The following FANCA variants were observed in gnomAD, a reference collection of about 807,000 sequenced individuals.
The protein encoded by FANCA is FA complementation group A.
Under a neutral mutation model 194.3 loss-of-function variants are expected in FANCA, and 236 were observed. The observed-to-expected ratio is 1.21, with a 90% CI of 1.09 to 1.35. The LOEUF (loss-of-function observed/expected upper bound fraction) is 1.35, where lower values mean the gene tolerates loss of function less well. Among genes scored for constraint, FANCA ranks in the 40% most tolerant of loss-of-function variants. FANCA has a pLI of 0.00. For missense variants in FANCA, 2,628 were observed against 1,813.9 expected (o/e 1.45, Z -8.15); for synonymous variants, 1,014 against 715.8 (o/e 1.42, Z -6.65).
intron 17 of FANCA, among the ~76,000 whole-genome samples, chr16:89,781,097 G>T (rs2039683801): frequency 6.6e-6 from 1 of 152,262 alleles, no homozygotes; most frequent in South Asian, 2.1e-4. Context: ...AGGCGCAGTG[G>T]CTCACGCCTG....
intron 30 of FANCA, among the ~76,000 whole-genome samples, chr16:89,756,358 G>C (rs553637502): frequency 6.6e-6 from 1 of 152,230 alleles, no homozygotes; most frequent in Non-Finnish European, 1.5e-5. Context: ...AGGCCTGGCA[G>C]AGGTTCACGC....
rs775272801 is a variant in FANCA at position 89,770,028 on chromosome 16, C to G, written c.2317-4G>C. 2.5e-6 allele frequency: 4 copies of G among 1,612,936 alleles called. No homozygotes were observed. The highest frequency in any genetic ancestry group is 2.5e-6 in the Non-Finnish European group (3 of 1,179,738). On this transcript the variant is annotated splice_polypyrimidine_tract_variant and splice_region_variant and intron_variant, in intron 25 of 42. Transcript: ENST00000389301. The stretch of plus-strand genomic sequence containing the variant: ...GTGGGGCACTCAGGCTCGGGCCCTG[C>G]AACGAGAATGAGGGTGGCAGAGCAG...
chr16:89,777,584 A>T (rs2039552593), intron 20 of FANCA, among the ~76,000 whole-genome samples: 1 of 151,878 alleles, frequency 6.6e-6, no homozygotes, highest in African/African-American at 2.4e-5. Context: ...AAAGAAAAAA[A>T]AAAGGCTCTT....
Position 89,737,834 on chromosome 16 carries a change from T to C in FANCA, c.*767A>G. On this transcript the variant is annotated 3_prime_UTR_variant, in exon 43 of 43. Coordinates refer to ENST00000389301, the MANE Select transcript of FANCA (RefSeq NM_000135.4). ...TGCGGAACTATATCTGTGACGAATG[T>C]GGACAAACCTTCAAGCAGCGGAAGC... The C allele has an allele frequency of 6.2e-7, 1 of 1,614,156 alleles. No individual in the cohort carries two copies. The highest frequency in any genetic ancestry group is 1.1e-5 in the South Asian group (1 of 91,092).
At chr16:89,750,026 G>A (rs1484163707) in intron 31 of FANCA, 124 bp from the exon 32 acceptor site, 5 of 953,848 alleles carry the variant, frequency 5.2e-6, no homozygotes, top group Admixed American at 3.8e-5. Context: ...GGAACAAGTG[G>A]GGCAAGCTAT....
intron 3 of FANCA, among the ~76,000 whole-genome samples, chr16:89,811,736 GTTTT>G (rs2040889381): frequency 7.6e-6 from 1 of 131,564 alleles, no homozygotes; most frequent in Non-Finnish European, 1.6e-5. Flanking sequence ...ATTTTTTTTT[GTTTT>G]ATTTTTTTGC....
At chr16:89,744,839 TCA>T in intron 36 of FANCA, 118 bp downstream of exon 36, 1 of 907,998 alleles carries the variant, frequency 1.1e-6, no homozygotes, top group Non-Finnish European at 1.7e-6. Context: ...TTCTCCCTGC[TCA>T]CACGAGAGGC....
At chr16:89,759,344 A>AAAAAAAAAAAAAAAAAAAAAAAAAAAAC (rs2038870365) in intron 29 of FANCA, among the ~76,000 whole-genome samples, 1 of 145,858 alleles carries the variant, frequency 6.9e-6, no homozygotes. Context: ...AAAAAAAAAA[A>AAAAAAAAAAAAAAAAAAAAAAAAAAAAC]AAAAAGTAGC....
rs781687063 is a variant in FANCA at position 89,749,751 on chromosome 16, C to T, written c.3218G>A (p.Arg1073Lys). Reference protein sequence around the residue: ...WSVAASLQRQRELLMYKRILL... With the variant: ...WSVAASLQRQKELLMYKRILL... ...TTACCGTTTGTACATTAGCAGCTCC[C>T]TCTGTCTCTGAAGGCTGGCAGCCAC... The change falls in exon 32 of 43, where the codon AGG becomes AAG. Residue 1073 changes from arginine (R) to lysine (K), a missense_variant. Physicochemically the swap from Arg to Lys is conservative, Grantham distance 26. Coordinates refer to ENST00000389301, the MANE Select transcript of FANCA (RefSeq NM_000135.4). 3.1e-6 allele frequency: 5 copies of T among 1,614,132 alleles called. No individual in the cohort carries two copies. Among genetic ancestry groups the T allele is most frequent in the Admixed American group, 1.7e-5 (1 of 60,016 alleles).
chr16:89,798,841 C>T (rs1026117800), intron 10 of FANCA: 10 of 1,501,362 alleles, frequency 6.7e-6, no homozygotes, highest in Non-Finnish European at 8.0e-6. Context: ...GAATCACACC[C>T]AGGGAAGGAG....
At chr16:89,777,332 T>C (rs574640897) in intron 20 of FANCA, among the ~76,000 whole-genome samples, 19 of 152,272 alleles carry the variant, frequency 1.2e-4, no homozygotes, top group African/African-American at 4.6e-4. Context: ...TAGTAAGCCA[T>C]GACTGCACCG....
chr16:89,761,954 A>G lies in FANCA; in HGVS notation c.2847T>C (p.Thr949=), dbSNP rs570751234. 8 of 1,613,748 alleles carry G rather than the reference A, an allele frequency of 5.0e-6. No homozygotes were observed. In the African/African-American group the frequency reaches 1.1e-4, roughly 22 times the overall value. ...IQPEADALSD[T]ERQDFHQWAI... is the part of the protein sequence containing the mutation. ...TAGCTCTTTTCAACACTTACCGTTC[A>G]GTATCTGAAAGAGCATCAGCTTCAG... The change falls in exon 29 of 43, where the codon ACT becomes ACC. Residue 949 remains threonine, a synonymous_variant. Coordinates refer to ENST00000389301, the MANE Select transcript of FANCA (RefSeq NM_000135.4).
At position 89,791,930 on chromosome 16, in the gene FANCA, C is replaced by G; in HGVS notation, c.1222G>C (p.Glu408Gln). The G allele has an allele frequency of 1.2e-6, 2 of 1,614,152 alleles. No individual in the cohort carries two copies. Among genetic ancestry groups the G allele is most frequent in the Non-Finnish European group, 1.7e-6 (2 of 1,180,022 alleles). The change falls in exon 13 of 43, where the codon GAA becomes CAA. Residue 408 changes from glutamate (E) to glutamine (Q), a missense_variant. Physicochemically the swap from Glu to Gln is conservative, Grantham distance 29. Transcript: ENST00000389301. ...VCFPEAQQLL[E>Q]DWVARLMAQA... ...CCGGGCTCGCGTAAAAGCTCACCTT[C>G]AAGCAGCTGCTGCGCTTCTGGAAAG...
chr16:89,750,795 C>A (rs1446843429), intron 31 of FANCA, among the ~76,000 whole-genome samples: 3 of 151,064 alleles, frequency 2.0e-5, no homozygotes, highest in South Asian at 2.1e-4. Flanking sequence ...AAAACAACAA[C>A]AAAAAAAAAC....
intron 6 of FANCA, 25 bp downstream of exon 6, chr16:89,808,269 C>A: frequency 6.2e-7 from 1 of 1,609,488 alleles, no homozygotes; most frequent in Non-Finnish European, 8.5e-7. Context: ...AAAACAGTAA[C>A]ACTGAATCAT....
At chr16:89,770,117 G>A (rs1393130396) in intron 25 of FANCA, 49 bp downstream of exon 25, 5 of 1,571,102 alleles carry the variant, frequency 3.2e-6, no homozygotes, top group Admixed American at 1.9e-5. Context: ...TAGCAGCCTG[G>A]CCCTCAGAGT....
At position 89,784,638 on chromosome 16, in the gene FANCA, C is replaced by A. The variant is rs1003697245; in HGVS notation, c.1470+216G>T. ...CTTAGCAGTTGCCTTGACTGGCACA[C>A]ACGCACTCACTGTGTGTCCACGTGG... On this transcript the variant is annotated intron_variant, in intron 15 of 42. Coordinates refer to ENST00000389301, the MANE Select transcript of FANCA (RefSeq NM_000135.4). Among the ~76,000 whole-genome samples, 12 of 152,218 alleles carry A rather than the reference C, an allele frequency of 7.9e-5. No homozygotes were observed. The Middle Eastern group carries it at 0.014, about 173-fold the overall frequency.
At chr16:89,775,660 G>A (rs928606764) in intron 21 of FANCA, 82 bp downstream of exon 21, 2 of 1,168,704 alleles carry the variant, frequency 1.7e-6, no homozygotes, top group East Asian at 2.5e-5. Context: ...GCTCACTCGG[G>A]TGGTGTAGCA....
At chr16:89,804,704 G>C (rs1213364491) in intron 7 of FANCA, among the ~76,000 whole-genome samples, 2 of 152,106 alleles carry the variant, frequency 1.3e-5, no homozygotes, top group Non-Finnish European at 2.9e-5. Context: ...TAGTTTGTGG[G>C]GGGACATTAC....
Sources: allele counts gnomAD v4.1 joint callset (sites outside exome capture counted in the v4.1 genomes callset), GRCh38; gene constraint gnomAD v4.1.1; transcripts MANE v1.5; gene names NCBI Gene and HGNC (gene_info 2026-07-23, HGNC 2026-07-21).